The following DCSTAMP variants were observed in gnomAD, a reference collection of about 807,000 sequenced individuals.
The protein encoded by DCSTAMP is dendrocyte expressed seven transmembrane protein.
DCSTAMP carries 25 observed loss-of-function variants against 33.8 expected under a neutral mutation model. That is an observed-to-expected ratio of 0.74 (90% confidence interval 0.54 to 1.03). The LOEUF (loss-of-function observed/expected upper bound fraction) is 1.03. DCSTAMP is among the 50% of genes least tolerant of loss of function. The probability of loss-of-function intolerance (pLI) is 0.00; values close to 1 mark genes in which losing one functional copy is unlikely to be tolerated. For missense variants in DCSTAMP, 531 were observed against 556.8 expected (o/e 0.95, Z 0.47); for synonymous variants, 245 against 216.7 (o/e 1.13, Z -1.15).
At chr8:104,341,360 C>A (rs1172509887) in intron 1 of DCSTAMP, among the ~76,000 whole-genome samples, 7 of 152,200 alleles carry the variant, frequency 4.6e-5, no homozygotes, top group Non-Finnish European at 5.9e-5. Context: ...GAAAGTTGAT[C>A]TGTGCTCAAA....
rs1564068246 is a variant in DCSTAMP at position 104,355,108 on chromosome 8, C to A, written c.1261C>A (p.His421Asn). 6.2e-7 allele frequency: 1 copy of A among 1,614,056 alleles called. No individual in the cohort carries two copies. The highest frequency in any genetic ancestry group is 8.5e-7 in the Non-Finnish European group (1 of 1,180,008). The change falls in exon 3 of 4, where the codon CAT (histidine) becomes AAT (asparagine). Residue 421 changes from histidine (H) to asparagine (N), a missense_variant. Coordinates refer to ENST00000297581, the MANE Select transcript of DCSTAMP (RefSeq NM_030788.4). ...SVERKRIQYL[H>N]AKLLKKRSKQ... Reference sequence around the variant, plus strand: ...GGAGAGGAAGCGCATCCAATATCTGCATGCAAAGCTGCTTAAAAAAAGATC... The same window carrying A: ...GGAGAGGAAGCGCATCCAATATCTGAATGCAAAGCTGCTTAAAAAAAGATC...
At chr8:104,354,800 G>T in intron 2 of DCSTAMP, 77 bp from the exon 3 acceptor site, 1 of 924,502 alleles carries the variant, frequency 1.1e-6, no homozygotes, top group Non-Finnish European at 1.7e-6. Flanking sequence ...GCCATGTGCT[G>T]CAGGGAAGTA....
At chr8:104,354,602 G>C (rs770704441) in intron 2 of DCSTAMP, among the ~76,000 whole-genome samples, 2 of 152,162 alleles carry the variant, frequency 1.3e-5, no homozygotes, top group Non-Finnish European at 2.9e-5. Context: ...AGAAGGGATA[G>C]AGTAAAAAAA....
chr8:104,341,954 A>T (rs1221990341), intron 1 of DCSTAMP, among the ~76,000 whole-genome samples: 1 of 152,220 alleles, frequency 6.6e-6, no homozygotes, highest in Non-Finnish European at 1.5e-5. Context: ...ATGTTGAGTC[A>T]GGAATAGACA....
chr8:104,349,031 T>A lies in DCSTAMP; in HGVS notation c.479T>A (p.Val160Glu). Residue 160 changes from valine to glutamate, a missense_variant, in exon 2 of 4, where the codon GTA (valine) becomes GAA (glutamate). By Grantham distance (121) the Val-to-Glu change is moderately radical (BLOSUM62 -2). Coordinates refer to ENST00000297581, the MANE Select transcript of DCSTAMP (RefSeq NM_030788.4). The stretch of plus-strand genomic sequence containing the variant: ...TATGGCCTTGCCACTCCACTAAGTG[T>A]ATTTGATGACCTTGTTTCTTGGAAC... ...WIYGLATPLS[V>E]FDDLVSWNQT... 2.5e-6 allele frequency: 4 copies of A among 1,614,210 alleles called. No homozygotes were observed. Among genetic ancestry groups the A allele is most frequent in the Non-Finnish European group, 3.4e-6 (4 of 1,180,044 alleles).
intron 3 of DCSTAMP, 107 bp downstream of exon 3, chr8:104,355,292 C>A: frequency 3.5e-6 from 4 of 1,158,490 alleles, no homozygotes; most frequent in Admixed American, 2.7e-5. Context: ...CACATCAGGG[C>A]TTGTACCCCA....
At chr8:104,352,185 G>A (rs915824432) in intron 2 of DCSTAMP, among the ~76,000 whole-genome samples, 8 of 152,076 alleles carry the variant, frequency 5.3e-5, no homozygotes, top group Non-Finnish European at 1.2e-4. Context: ...AAATCCTCCT[G>A]CTGCATTCAC....
rs200017505 is a variant in DCSTAMP at position 104,349,259 on chromosome 8, G to A, written c.707G>A (p.Gly236Asp). ...GTGLFMKRFL[G>D]PCGWKYENIY... ...GGCCTCTTCATGAAGCGATTTTTGG[G>A]CCCTTGTGGTTGGAAGTATGAAAAC... Residue 236 changes from glycine to aspartate, a missense_variant, in exon 2 of 4, where the codon GGC becomes GAC. Transcript: ENST00000297581. 3 of 1,614,048 alleles carry A rather than the reference G, an allele frequency of 1.9e-6. No individual in the cohort carries two copies. The highest frequency in any genetic ancestry group is 1.3e-5 in the African/African-American group (1 of 74,932).
chr8:104,356,222 A>T lies in DCSTAMP; in HGVS notation c.*24A>T. On this transcript the variant is annotated 3_prime_UTR_variant, in exon 4 of 4. Coordinates refer to ENST00000297581, the MANE Select transcript of DCSTAMP (RefSeq NM_030788.4). ...GAGAGACCCCGACTACTCCTCAGCCACATCGCACCAACAATTCTCTTCAGG... is the reference window on the plus strand; with the variant it reads ...GAGAGACCCCGACTACTCCTCAGCCTCATCGCACCAACAATTCTCTTCAGG... The T allele has an allele frequency of 6.2e-7, 1 of 1,602,960 alleles. No individual in the cohort carries two copies. The highest frequency in any genetic ancestry group is 8.5e-7 in the Non-Finnish European group (1 of 1,174,748).
chr8:104,347,013 C>A (rs915055685), intron 1 of DCSTAMP, among the ~76,000 whole-genome samples: 1 of 152,146 alleles, frequency 6.6e-6, no homozygotes, highest in Non-Finnish European at 1.5e-5. Flanking sequence ...GATCAATGTC[C>A]GCATTAAAAT....
chr8:104,349,067 C>T lies in DCSTAMP; in HGVS notation c.515C>T (p.Ala172Val). ...CTTGTTTCTTGGAACCAGACCCTGG[C>T]AGTCTCTCTTTTCAGTCCCAGCCAT... ...DDLVSWNQTL[A>V]VSLFSPSHVL... The change falls in exon 2 of 4, where the codon GCA (alanine) becomes GTA (valine). Residue 172 changes from alanine to valine, a missense_variant. Coordinates refer to ENST00000297581, the MANE Select transcript of DCSTAMP (RefSeq NM_030788.4). 6.2e-7 allele frequency: 1 copy of T among 1,614,178 alleles called. No individual in the cohort carries two copies. The highest frequency in any genetic ancestry group is 8.5e-7 in the Non-Finnish European group (1 of 1,180,048).
chr8:104,349,158 AACC>A lies in DCSTAMP; in HGVS notation c.609_611del (p.Thr204del), dbSNP rs2140473449. On this transcript the variant is annotated inframe_deletion, in exon 2 of 4. Transcript: ENST00000297581. ...TGAGCGTCTTGTACCAGATGGCAAC[AACC>A]ACAGAGGTGTTGTCCTCCCTGGGTC... is the stretch of plus-strand genomic sequence containing the variant. The A allele has an allele frequency of 6.2e-7, 1 of 1,614,208 alleles. No individual in the cohort carries two copies. The highest frequency in any genetic ancestry group is 2.2e-5 in the East Asian group (1 of 44,884).
chr8:104,348,863 G>A lies in DCSTAMP; in HGVS notation c.311G>A (p.Gly104Glu), dbSNP rs753732050. Residue 104 changes from glycine (G) to glutamate (E), a missense_variant, in exon 2 of 4, where the codon GGG (glycine) becomes GAG (glutamate). Coordinates refer to ENST00000297581, the MANE Select transcript of DCSTAMP (RefSeq NM_030788.4). Reference sequence around the variant, plus strand: ...AATGCTTTGATTGCAGCTGGCACAGGGATCGTCATCTTGGGACACGTAGAA... The same window carrying A: ...AATGCTTTGATTGCAGCTGGCACAGAGATCGTCATCTTGGGACACGTAGAA... ...GRNALIAAGT[G>E]IVILGHVENI... The A allele has an allele frequency of 6.2e-7, 1 of 1,614,148 alleles. No homozygotes were observed. The highest frequency in any genetic ancestry group is 1.7e-5 in the Admixed American group (1 of 60,018).
intron 2 of DCSTAMP, among the ~76,000 whole-genome samples, chr8:104,351,642 A>G (rs913454200): frequency 1.3e-5 from 2 of 152,138 alleles, no homozygotes; most frequent in African/African-American, 4.8e-5. Context: ...AGCTTTCTGG[A>G]AAAAGGGTGG....
chr8:104,355,517 GA>G lies in DCSTAMP; in HGVS notation c.1338+338del, dbSNP rs1226955435. On this transcript the variant is annotated intron_variant, in intron 3 of 3. Transcript: ENST00000297581. ...AGTAAGATATGCTTTCCTAGGTAAA[GA>G]AAAAACAGACAGGGAAATGTCTACT... Among the ~76,000 whole-genome samples, 5 of 152,172 alleles carry G rather than the reference GA, an allele frequency of 3.3e-5. No homozygotes were observed. The East Asian group carries it at 9.6e-4, about 29-fold the overall frequency.
chr8:104,348,929 C>A lies in DCSTAMP; in HGVS notation c.377C>A (p.Thr126Asn). 1 of 1,614,236 alleles carries A rather than the reference C, an allele frequency of 6.2e-7. No homozygotes were observed. The highest frequency in any genetic ancestry group is 2.2e-5 in the East Asian group (1 of 44,892). ...TTTAAAGGTCTCCTAGATGGTATGA[C>A]TTGCAACCTAAGGGCAAAGAGCTTT... Reference protein sequence around the residue: ...HNFKGLLDGMTCNLRAKSFSI... With the variant: ...HNFKGLLDGMNCNLRAKSFSI... Residue 126 changes from threonine (T) to asparagine (N), a missense_variant, in exon 2 of 4, where the codon ACT (threonine) becomes AAT (asparagine). Coordinates refer to ENST00000297581, the MANE Select transcript of DCSTAMP (RefSeq NM_030788.4).
In DCSTAMP at chr8:104,356,298, C is replaced by A; in HGVS notation, c.*100C>A. On this transcript the variant is annotated 3_prime_UTR_variant, in exon 4 of 4. Transcript: ENST00000297581. ...CCGGATAATAGAGAACTATGTGACG[C>A]AGTCCTCTCAGGAGTCTGAGTTTAC... 1.7e-6 allele frequency: 2 copies of A among 1,186,656 alleles called. No individual in the cohort carries two copies. Among genetic ancestry groups the A allele is most frequent in the Non-Finnish European group, 2.3e-6 (2 of 869,438 alleles). The allele number at this position is 1,186,656 out of a possible 1,614,324, so 73.5% of individuals were successfully genotyped here. A position where few individuals can be genotyped will look rare whatever the true frequency, so the allele number is the denominator to read the frequency against.
chr8:104,342,273 G>A (rs374039936), intron 1 of DCSTAMP, among the ~76,000 whole-genome samples: 1 of 152,174 alleles, frequency 6.6e-6, no homozygotes, highest in African/African-American at 2.4e-5. Flanking sequence ...AGCCAGAGAG[G>A]AGAGAAGAGA....
At position 104,346,214 on chromosome 8, in the gene DCSTAMP, G is replaced by T. The variant is rs143723206; in HGVS notation, c.-12-2327G>T. On this transcript the variant is annotated intron_variant, in intron 1 of 3. Transcript: ENST00000297581. ...TATAAAAAGTGCTTACAATGTAATAGGGAATTATCATCTTTTAGGGTATCA... is the reference window on the plus strand; with the variant it reads ...TATAAAAAGTGCTTACAATGTAATATGGAATTATCATCTTTTAGGGTATCA... 3.3e-5 allele frequency among the ~76,000 whole-genome samples: 5 copies of T among 152,380 alleles called. No individual in the cohort carries two copies. The East Asian group carries it at 5.8e-4, about 18-fold the overall frequency.
Sources: allele counts gnomAD v4.1 joint callset (sites outside exome capture counted in the v4.1 genomes callset), GRCh38; gene constraint gnomAD v4.1.1; transcripts MANE v1.5; gene names NCBI Gene and HGNC (gene_info 2026-07-23, HGNC 2026-07-21).